The following ARHGAP20 variants were observed in gnomAD, a reference collection of about 807,000 sequenced individuals.
The protein encoded by ARHGAP20 is Rho GTPase activating protein 20.
In ARHGAP20, 34 loss-of-function variants were observed where a neutral mutation model predicts 73.7. The observed-to-expected ratio is 0.46, with a 90% confidence interval of 0.35 to 0.61. The LOEUF is 0.61. Ranked by LOEUF, ARHGAP20 falls within the 20% of genes least tolerant of loss-of-function variation. The pLI is 0.00. For missense variants in ARHGAP20, 1,314 were observed against 1,420.9 expected (o/e 0.92, Z 1.21); for synonymous variants, 523 against 518.2 (o/e 1.01, Z -0.13).
intron 2 of ARHGAP20, among the ~76,000 whole-genome samples, chr11:110,668,950 C>T (rs935972445): frequency 3.3e-5 from 5 of 151,960 alleles, no homozygotes; most frequent in African/African-American, 7.3e-5. Context: ...ACCCTTATTT[C>T]ATAAAATATA....
chr11:110,701,943 T>C (rs1030573462), intron 1 of ARHGAP20, among the ~76,000 whole-genome samples: 1 of 152,156 alleles, frequency 6.6e-6, no homozygotes, highest in Non-Finnish European at 1.5e-5. Flanking sequence ...TTGATCTATA[T>C]CTCTGTTTGG....
chr11:110,691,697 T>C (rs1373899615), intron 1 of ARHGAP20, among the ~76,000 whole-genome samples: 1 of 152,152 alleles, frequency 6.6e-6, no homozygotes, highest in Non-Finnish European at 1.5e-5. Flanking sequence ...GGCACAATTC[T>C]TATCCCACAA....
chr11:110,696,557 A>G (rs2135130185), intron 1 of ARHGAP20, among the ~76,000 whole-genome samples: 1 of 151,722 alleles, frequency 6.6e-6, no homozygotes, highest in Middle Eastern at 3.4e-3. Context: ...TACTGTTTTA[A>G]TTAACATTTT....
intron 2 of ARHGAP20, among the ~76,000 whole-genome samples, chr11:110,683,441 G>C (rs1950073683): frequency 6.6e-6 from 1 of 152,164 alleles, no homozygotes; most frequent in Admixed American, 6.6e-5. Context: ...AGGAAAGTCA[G>C]AAACTACTGT....
At chr11:110,587,923 A>G (rs1947714145) in intron 11 of ARHGAP20, among the ~76,000 whole-genome samples, 1 of 152,228 alleles carries the variant, frequency 6.6e-6, no homozygotes, top group South Asian at 2.1e-4. Flanking sequence ...AATTTTCATA[A>G]TTCCAAACTA....
At chr11:110,603,534 GAAGC>G (rs1170582470) in intron 9 of ARHGAP20, among the ~76,000 whole-genome samples, 3 of 152,152 alleles carry the variant, frequency 2.0e-5, no homozygotes, top group Non-Finnish European at 4.4e-5. Context: ...GTTAAAACAA[GAAGC>G]AAGATCTTGA....
Position 110,712,154 on chromosome 11 carries a change from C to G in ARHGAP20, c.78G>C (p.Arg26=). 7.3e-7 allele frequency: 1 copy of G among 1,364,896 alleles called. No homozygotes were observed. The highest frequency in any genetic ancestry group is 2.2e-5 in the South Asian group (1 of 44,588). The allele number at this position is 1,364,896 out of a possible 1,614,324, so 84.5% of individuals were successfully genotyped here. A position where few individuals can be genotyped will look rare whatever the true frequency, so the allele number is the denominator to read the frequency against. ...TCTTGGTGCAGCTGCCTCCCGCGAG[C>G]CGAGACACTCCTGTCAGGGAAGAGG... is the stretch of plus-strand genomic sequence containing the variant. ...GRSSSLTGVS[R]LAGGSCTKKK... Residue 26 remains arginine (R), a synonymous_variant, in exon 1 of 15, where the codon CGG becomes CGC. Transcript: ENST00000683387.
At chr11:110,657,627 C>T (rs753860745) in intron 2 of ARHGAP20, among the ~76,000 whole-genome samples, 1 of 151,914 alleles carries the variant, frequency 6.6e-6, no homozygotes, top group Non-Finnish European at 1.5e-5. Flanking sequence ...TGCACAGTGG[C>T]TTATGCCTGT....
chr11:110,632,902 GTTTTGGAAAATA>G (rs569854744), intron 2 of ARHGAP20, among the ~76,000 whole-genome samples: 118 of 152,208 alleles, frequency 7.8e-4, no homozygotes, highest in African/African-American at 2.7e-3. Flanking sequence ...CAGGTTATGT[GTTTTGGAAAATA>G]TTTTCTCCTA....
chr11:110,703,685 C>T (rs1950501018), intron 1 of ARHGAP20, among the ~76,000 whole-genome samples: 1 of 152,102 alleles, frequency 6.6e-6, no homozygotes, highest in African/African-American at 2.4e-5. Flanking sequence ...TTGCCTCCAT[C>T]CCCACACATG....
At chr11:110,648,483 A>C (rs1427816829) in intron 2 of ARHGAP20, among the ~76,000 whole-genome samples, 1 of 131,210 alleles carries the variant, frequency 7.6e-6, no homozygotes, top group African/African-American at 2.8e-5. Flanking sequence ...CCATAACATG[A>C]ATTTTTTTTT....
chr11:110,664,896 T>C (rs1002196280), intron 2 of ARHGAP20, among the ~76,000 whole-genome samples: 3 of 152,246 alleles, frequency 2.0e-5, no homozygotes, highest in African/African-American at 4.8e-5. Context: ...GAGAAATATA[T>C]CTTGTTCCTA....
chr11:110,579,349 G>A lies in ARHGAP20; in HGVS notation c.*21C>T. 6.4e-7 allele frequency: 1 copy of A among 1,555,268 alleles called. No homozygotes were observed. Among genetic ancestry groups the A allele is most frequent in the Non-Finnish European group, 8.7e-7 (1 of 1,146,158 alleles). ...TATTAACCCAGTTCCTGTTCTTGTG[G>A]ACATCAGATTCTTACTATGCTTAAA... On this transcript the variant is annotated 3_prime_UTR_variant, in exon 15 of 15. Coordinates refer to ENST00000683387, the MANE Select transcript of ARHGAP20 (RefSeq NM_001384657.1).
intron 4 of ARHGAP20, among the ~76,000 whole-genome samples, chr11:110,617,109 A>G (rs892404250): frequency 3.3e-5 from 5 of 152,346 alleles, no homozygotes; most frequent in Admixed American, 3.3e-4. Context: ...CCAACAGCAC[A>G]GAATAGTTTT....
intron 9 of ARHGAP20, among the ~76,000 whole-genome samples, chr11:110,594,377 T>C (rs1013318202): frequency 6.6e-6 from 1 of 152,202 alleles, no homozygotes; most frequent in Non-Finnish European, 1.5e-5. Flanking sequence ...GTAAAGGATA[T>C]GAATTAGCCC....
chr11:110,577,928 T>C lies in ARHGAP20; in HGVS notation c.*1442A>G. Reference sequence around the variant, plus strand: ...ATTTTCTGGTGATTAATAAGACAAATAATTTGGAATAAGCTAGCTTGTGAG... The same window carrying C: ...ATTTTCTGGTGATTAATAAGACAAACAATTTGGAATAAGCTAGCTTGTGAG... On this transcript the variant is annotated 3_prime_UTR_variant, in exon 15 of 15. Transcript: ENST00000683387. The C allele has an allele frequency of 1.0e-6, 1 of 985,322 alleles. No individual in the cohort carries two copies. The highest frequency in any genetic ancestry group is 1.2e-6 in the Non-Finnish European group (1 of 829,724). 61.0% of individuals were successfully genotyped at this position (985,322 alleles called of 1,614,324 possible).
chr11:110,698,405 A>G (rs945944547), intron 1 of ARHGAP20, among the ~76,000 whole-genome samples: 3 of 151,606 alleles, frequency 2.0e-5, no homozygotes, highest in Non-Finnish European at 4.4e-5. Context: ...TCCTTCTCTG[A>G]TTTTGGTATC....
At chr11:110,709,428 G>C (rs1460787956) in intron 1 of ARHGAP20, among the ~76,000 whole-genome samples, 1 of 152,198 alleles carries the variant, frequency 6.6e-6, no homozygotes. Context: ...TCAATCTGGT[G>C]ACAGATGTGG....
intron 11 of ARHGAP20, chr11:110,589,622 C>A (rs562597876): frequency 1.0e-6 from 1 of 985,428 alleles, no homozygotes; most frequent in African/African-American, 1.7e-5. Context: ...CTGCTTAAAG[C>A]TCATTTTGAC....
Sources: allele counts gnomAD v4.1 joint callset (sites outside exome capture counted in the v4.1 genomes callset), GRCh38; gene constraint gnomAD v4.1.1; transcripts MANE v1.5; gene names NCBI Gene and HGNC (gene_info 2026-07-23, HGNC 2026-07-21).